The following CCNT2 variants were observed in gnomAD, a reference collection of about 807,000 sequenced individuals.
CCNT2 encodes the protein cyclin-T2.
In CCNT2, 18 loss-of-function variants were observed where a neutral mutation model predicts 70.0. The observed-to-expected ratio is 0.26, with a 90% confidence interval of 0.18 to 0.38. CCNT2 has a LOEUF of 0.38. Among genes scored for constraint, CCNT2 ranks in the 10% least tolerant of loss-of-function variants. CCNT2 has a pLI of 1.00. For synonymous variants in CCNT2, 334 were observed against 313.3 expected (o/e 1.07, Z -0.70); for missense variants, 734 against 890.2 (o/e 0.82, Z 2.23).
At chr2:134,925,450 A>G (rs1680220887) in intron 2 of CCNT2, among the ~76,000 whole-genome samples, 1 of 151,886 alleles carries the variant, frequency 6.6e-6, no homozygotes, top group African/African-American at 2.4e-5. Flanking sequence ...GAAACCCCCA[A>G]CCCCGCAGTC....
chr2:134,921,098 G>T lies in CCNT2; in HGVS notation c.240+1207G>T, dbSNP rs45504894. 9.1e-4 allele frequency among the ~76,000 whole-genome samples: 139 copies of T among 152,284 alleles called. 2 individuals are homozygous for T. In the East Asian group the frequency reaches 0.018, roughly 20 times the overall value. ...CAGTGATAGTGTTATGGAAGAGAAA[G>T]GAAGCCATTGGTGATAACATTTAGA... is the stretch of plus-strand genomic sequence containing the variant. On this transcript the variant is annotated intron_variant, in intron 2 of 8. Coordinates refer to ENST00000264157, the MANE Select transcript of CCNT2 (RefSeq NM_058241.3).
In CCNT2 at chr2:134,954,105, A is replaced by G. The variant is rs142358346; in HGVS notation, c.1650A>G (p.Pro550=). The change falls in exon 9 of 9, where the codon CCA becomes CCG. Residue 550 remains proline, a synonymous_variant. Coordinates refer to ENST00000264157, the MANE Select transcript of CCNT2 (RefSeq NM_058241.3). ...EGSGKSKHSS[P]HISRDHKEKH... ...GTGGGAAGAGCAAACATTCAAGCCC[A>G]CATATTAGCAGAGACCATAAGGAGA... is the stretch of plus-strand genomic sequence containing the variant. 7.2e-5 allele frequency: 117 copies of G among 1,614,198 alleles called. No individual in the cohort carries two copies. The East Asian group carries it at 2.5e-3, about 34-fold the overall frequency.
Position 134,949,806 on chromosome 2 carries a change from G to GGGT in CCNT2, c.703+1909_703+1910insTGG, listed in dbSNP as rs1553525617. ...AGGTAGGCAAAATTTTTTTTTCGGG[G>GGGT]GGGGGGTGGGGGACAGAGTCTCAGT... On this transcript the variant is annotated intron_variant, in intron 7 of 8. Transcript: ENST00000264157. 4.4e-4 allele frequency among the ~76,000 whole-genome samples: 61 copies of GGGT among 138,610 alleles called. 1 individual carries two copies. Among genetic ancestry groups the GGGT allele is most frequent in the African/African-American group, 1.6e-3 (60 of 37,454 alleles). 90.9% of individuals were successfully genotyped at this position (138,610 alleles called of 152,430 possible).
At position 134,918,862 on chromosome 2, in the gene CCNT2, C is replaced by T. The variant is rs905662918; in HGVS notation, c.8C>T (p.Ser3Leu). ...GGCGGAGGAGGAAGTGTCATGGCGTCGGGCCGTGGAGCTTCTTCTCGCTGG... is the reference window on the plus strand; with the variant it reads ...GGCGGAGGAGGAAGTGTCATGGCGTTGGGCCGTGGAGCTTCTTCTCGCTGG... MA[S>L]GRGASSRWFF... Residue 3 changes from serine (S) to leucine (L), a missense_variant, in exon 1 of 9, where the codon TCG (serine) becomes TTG (leucine). Around this residue, in one of 3 missense-constraint regions of CCNT2, gnomAD observed 41 missense variants for 29.5 expected, o/e 1.39. Coordinates refer to ENST00000264157, the MANE Select transcript of CCNT2 (RefSeq NM_058241.3). 17 of 1,612,928 alleles carry T rather than the reference C, an allele frequency of 1.1e-5. No individual in the cohort carries two copies. Among genetic ancestry groups the T allele is most frequent in the South Asian group, 2.2e-5 (2 of 90,970 alleles).
chr2:134,921,471 A>G (rs1679899616), intron 2 of CCNT2, among the ~76,000 whole-genome samples: 1 of 152,098 alleles, frequency 6.6e-6, no homozygotes, highest in South Asian at 2.1e-4. Context: ...CACCTGCCTC[A>G]GCCTCCTGAG....
intron 2 of CCNT2, among the ~76,000 whole-genome samples, chr2:134,931,526 T>C (rs996699131): frequency 6.6e-6 from 1 of 152,038 alleles, no homozygotes; most frequent in Non-Finnish European, 1.5e-5. Flanking sequence ...TTCAAGATTG[T>C]TTTGGCTATT....
chr2:134,928,150 C>T (rs998300892), intron 2 of CCNT2, among the ~76,000 whole-genome samples: 11 of 151,558 alleles, frequency 7.3e-5, no homozygotes, highest in South Asian at 2.1e-4. Context: ...TTAGTAGAGA[C>T]GGGGTTTCAC....
At chr2:134,926,832 T>C (rs1377157671) in intron 2 of CCNT2, among the ~76,000 whole-genome samples, 1 of 152,226 alleles carries the variant, frequency 6.6e-6, no homozygotes, top group African/African-American at 2.4e-5. Context: ...GCTATCTTGT[T>C]GCTCTGTTTT....
Position 134,954,266 on chromosome 2 carries a change from G to T in CCNT2, c.1811G>T (p.Gly604Val). The T allele has an allele frequency of 1.2e-6, 2 of 1,614,156 alleles. No individual in the cohort carries two copies. Among genetic ancestry groups the T allele is most frequent in the Non-Finnish European group, 1.7e-6 (2 of 1,180,010 alleles). Residue 604 changes from glycine (G) to valine (V), a missense_variant, in exon 9 of 9, where the codon GGC becomes GTC. Gly to Val is a moderately radical substitution (Grantham distance 109, BLOSUM62 -3). Coordinates refer to ENST00000264157, the MANE Select transcript of CCNT2 (RefSeq NM_058241.3). ...CCCACTGTTCTGAGGAGTCCTGTTG[G>T]CCTGAGCAGTGATGGCATTTCCTCT... ...IPPTVLRSPV[G>V]LSSDGISSSS...
chr2:134,935,007 A>G (rs960490175), intron 2 of CCNT2, among the ~76,000 whole-genome samples: 1 of 152,202 alleles, frequency 6.6e-6, no homozygotes, highest in Non-Finnish European at 1.5e-5. Flanking sequence ...AGATTTTTAT[A>G]GTGGCATTTG....
intron 6 of CCNT2, among the ~76,000 whole-genome samples, chr2:134,947,408 A>G (rs1480140833): frequency 6.6e-6 from 1 of 152,188 alleles, no homozygotes; most frequent in Non-Finnish European, 1.5e-5. Context: ...CAAAAAATTT[A>G]CAGTGTTATC....
chr2:134,944,030 G>C (rs991421234), intron 5 of CCNT2: 3 of 984,544 alleles, frequency 3.0e-6, no homozygotes, highest in South Asian at 9.4e-5. Flanking sequence ...AAAACTGTCT[G>C]ATAGTGTCAT....
Position 134,949,833 on chromosome 2 carries a change from G to T in CCNT2, c.703+1934G>T, listed in dbSNP as rs752256527. Among the ~76,000 whole-genome samples, 2 of 148,864 alleles carry T rather than the reference G, an allele frequency of 1.3e-5. 1 individual carries two copies. On this transcript the variant is annotated intron_variant, in intron 7 of 8. Transcript: ENST00000264157. ...GGGGGTGGGGGACAGAGTCTCAGTC[G>T]CCCAGGCTATAGAGTGCGGTGGCGC...
intron 2 of CCNT2, among the ~76,000 whole-genome samples, chr2:134,930,085 A>G (rs534740563): frequency 2.0e-5 from 3 of 152,302 alleles, no homozygotes; most frequent in Admixed American, 6.5e-5. Flanking sequence ...TATCACCACA[A>G]TCTCAGTTTA....
intron 2 of CCNT2, among the ~76,000 whole-genome samples, chr2:134,922,707 A>G (rs1024705150): frequency 6.6e-6 from 1 of 152,190 alleles, no homozygotes; most frequent in Non-Finnish European, 1.5e-5. Flanking sequence ...ACTGAGGGAA[A>G]GCACCCACCC....
intron 5 of CCNT2, chr2:134,943,639 G>A (rs2105065526): frequency 1.0e-6 from 1 of 980,490 alleles, no homozygotes; most frequent in East Asian, 1.1e-4. Context: ...AAAGTATCTG[G>A]TAGTATCTGA....
At chr2:134,930,627 A>G (rs773532098) in intron 2 of CCNT2, among the ~76,000 whole-genome samples, 2 of 152,218 alleles carry the variant, frequency 1.3e-5, no homozygotes, top group Non-Finnish European at 2.9e-5. Flanking sequence ...CAAAGTAGCC[A>G]TACCATTTTG....
At chr2:134,942,405 T>C (rs1681643608) in intron 4 of CCNT2, among the ~76,000 whole-genome samples, 1 of 152,162 alleles carries the variant, frequency 6.6e-6, no homozygotes, top group Admixed American at 6.5e-5. Context: ...AATTTACCCT[T>C]GGTCTTTTAA....
Position 134,953,908 on chromosome 2 carries a change from A to G in CCNT2, c.1453A>G (p.Lys485Glu). The change falls in exon 9 of 9, where the codon AAA (lysine) becomes GAA (glutamate). Residue 485 changes from lysine to glutamate, a missense_variant. Transcript: ENST00000264157. ...SSSVTSPIKMKIPIANTEKYM... is the reference protein window; with the variant it reads ...SSSVTSPIKMEIPIANTEKYM... The stretch of plus-strand genomic sequence containing the variant: ...TTCTGTTACTTCTCCCATTAAAATG[A>G]AAATACCTATCGCAAATACTGAAAA... 6.2e-7 allele frequency: 1 copy of G among 1,613,978 alleles called. No homozygotes were observed. Among genetic ancestry groups the G allele is most frequent in the Non-Finnish European group, 8.5e-7 (1 of 1,179,962 alleles).
Sources: gnomAD v4.1 joint callset for allele counts (sites outside exome capture counted in the v4.1 genomes callset) on GRCh38, gnomAD v4.1.1 for gene constraint, gnomAD v4.1.1 regional missense constraint, MANE v1.5 for transcripts, NCBI Gene and HGNC (gene_info 2026-07-23, HGNC 2026-07-21) for gene names.